The following AKAP9 variants were observed in gnomAD, a reference collection of about 807,000 sequenced individuals.
AKAP9 encodes the protein A-kinase anchoring protein 9.
Under a neutral mutation model 488.5 loss-of-function variants are expected in AKAP9, and 311 were observed. The ratio of observed to expected loss-of-function variants is 0.64; its 90% CI spans 0.58 to 0.70. AKAP9 has a LOEUF of 0.70. Ranked by LOEUF, AKAP9 falls within the 30% of genes least tolerant of loss-of-function variation. The probability of loss-of-function intolerance (pLI) is 0.00; values close to 1 mark genes in which losing one functional copy is unlikely to be tolerated. For missense variants in AKAP9, 4,215 were observed against 4,374.5 expected (o/e 0.96, Z 1.03); for synonymous variants, 1,462 against 1,483.5 (o/e 0.99, Z 0.33).
intron 1 of AKAP9, 88 bp from the exon 2 acceptor site, chr7:91,973,623 A>T: frequency 7.2e-7 from 1 of 1,387,242 alleles, no homozygotes; most frequent in Non-Finnish European, 9.9e-7. Flanking sequence ...TTTGATCTTT[A>T]AAAGAGAGAC....
At chr7:92,059,061 C>T (rs1809293825) in intron 22 of AKAP9, among the ~76,000 whole-genome samples, 1 of 151,868 alleles carries the variant, frequency 6.6e-6, no homozygotes, top group Non-Finnish European at 1.5e-5. Flanking sequence ...TTATTCAGCG[C>T]TTTTTATGAC....
At chr7:91,953,589 A>G (rs752876720) in intron 1 of AKAP9, among the ~76,000 whole-genome samples, 6 of 152,206 alleles carry the variant, frequency 3.9e-5, no homozygotes, top group Non-Finnish European at 8.8e-5. Context: ...CTGTCAGTCT[A>G]TAAGAAGTGT....
At chr7:92,034,741 C>T (rs1804914427) in intron 16 of AKAP9, among the ~76,000 whole-genome samples, 1 of 151,272 alleles carries the variant, frequency 6.6e-6, no homozygotes, top group African/African-American at 2.4e-5. Context: ...TCAAGTGATC[C>T]ACCCACCTCG....
At chr7:91,946,083 A>G (rs1326404010) in intron 1 of AKAP9, among the ~76,000 whole-genome samples, 1 of 152,204 alleles carries the variant, frequency 6.6e-6, no homozygotes, top group Non-Finnish European at 1.5e-5. Context: ...CCAATTGTGT[A>G]CAAAAAAAAG....
intron 22 of AKAP9, among the ~76,000 whole-genome samples, chr7:92,056,585 A>G (rs1240327939): frequency 6.6e-6 from 1 of 151,360 alleles, no homozygotes; most frequent in African/African-American, 2.4e-5. Context: ...AGGGTTGCAT[A>G]AGAAACCCTA....
At position 92,002,399 on chromosome 7, in the gene AKAP9, G is replaced by A; in HGVS notation, c.2482G>A (p.Glu828Lys). 6.2e-7 allele frequency: 1 copy of A among 1,610,372 alleles called. No homozygotes were observed. Among genetic ancestry groups the A allele is most frequent in the Non-Finnish European group, 8.5e-7 (1 of 1,178,756 alleles). The change falls in exon 8 of 50, where the codon GAA (glutamate) becomes AAA (lysine). Residue 828 changes from glutamate to lysine, a missense_variant. Around this residue, in one of 5 missense-constraint regions of AKAP9, gnomAD observed 2,361 missense variants for 2,430.0 expected, o/e 0.97. Coordinates refer to ENST00000356239, the MANE Select transcript of AKAP9 (RefSeq NM_005751.5). ...WEKEIEILIE[E>K]NEDLKQQCIQ... is the part of the protein sequence containing the mutation. ...AAAAGAAATAGAAATACTTATAGAG[G>A]AAAATGAGGACCTCAAACAACAATG...
In AKAP9 at chr7:92,062,360, G is replaced by A; in HGVS notation, c.5851G>A (p.Glu1951Lys). 6.2e-7 allele frequency: 1 copy of A among 1,613,918 alleles called. No homozygotes were observed. Among genetic ancestry groups the A allele is most frequent in the Non-Finnish European group, 8.5e-7 (1 of 1,179,856 alleles). ...TGATATAATAGATCGTCTTGAGCAG[G>A]AGTTGTTATGTGCAAGTAACAGGTT... is the stretch of plus-strand genomic sequence containing the variant. ...KTDIIDRLEQ[E>K]LLCASNRLQE... The change falls in exon 24 of 50, where the codon GAG becomes AAG. Residue 1951 changes from glutamate (E) to lysine (K), a missense_variant. Around this residue, in one of 5 missense-constraint regions of AKAP9, gnomAD observed 2,361 missense variants for 2,430.0 expected, o/e 0.97. Transcript: ENST00000356239.
chr7:91,958,998 C>G (rs983362048), intron 1 of AKAP9, among the ~76,000 whole-genome samples: 1 of 152,164 alleles, frequency 6.6e-6, no homozygotes, highest in African/African-American at 2.4e-5. Flanking sequence ...GACCCTCCCA[C>G]CTCAGCCTGC....
intron 36 of AKAP9, 72 bp from the exon 37 acceptor site, chr7:92,086,156 G>A: frequency 8.0e-7 from 1 of 1,248,902 alleles, no homozygotes; most frequent in Non-Finnish European, 1.2e-6. Flanking sequence ...TTTCTTTGTA[G>A]ATTAATATTT....
chr7:91,961,361 AGAGACGGGG>A (rs1027633258), intron 1 of AKAP9, among the ~76,000 whole-genome samples: 4 of 151,618 alleles, frequency 2.6e-5, no homozygotes, highest in African/African-American at 4.8e-5. Context: ...GTATTTTAGT[AGAGACGGGG>A]TTTCACCATG....
intron 25 of AKAP9, among the ~76,000 whole-genome samples, chr7:92,066,003 T>C (rs2130831919): frequency 6.6e-6 from 1 of 152,322 alleles, no homozygotes. Flanking sequence ...ACTCATTTTA[T>C]AACTTTAGAC....
chr7:92,110,208 G>A lies in AKAP9; in HGVS notation c.*49G>A, dbSNP rs765535213. ...AGTGATTTTAAATAGATTTCCTTTT[G>A]TAAATCAATGGTTCTTTTGTGCTTT... is the stretch of plus-strand genomic sequence containing the variant. On this transcript the variant is annotated 3_prime_UTR_variant, in exon 50 of 50. Transcript: ENST00000356239. 5.0e-6 allele frequency: 7 copies of A among 1,406,306 alleles called. No individual in the cohort carries two copies. In the Admixed American group the frequency reaches 1.3e-4, roughly 25 times the overall value. The allele number at this position is 1,406,306 out of a possible 1,614,324, so 87.1% of individuals were successfully genotyped here.
At chr7:92,081,972 T>C (rs1326839297) in intron 31 of AKAP9, among the ~76,000 whole-genome samples, 1 of 152,210 alleles carries the variant, frequency 6.6e-6, no homozygotes, top group Non-Finnish European at 1.5e-5. Context: ...AATATAACTT[T>C]CTTTTTTTCC....
At chr7:92,057,545 CT>C in intron 22 of AKAP9, 2 of 181,662 alleles carry the variant, frequency 1.1e-5, no homozygotes, top group Non-Finnish European at 1.2e-5. Context: ...CTGTTCTGAC[CT>C]TTTCCTCAGG....
At chr7:92,023,136 T>C in intron 14 of AKAP9, 127 bp downstream of exon 14, 1 of 950,316 alleles carries the variant, frequency 1.1e-6, no homozygotes, top group Non-Finnish European at 1.7e-6. Flanking sequence ...GATGTAGCAT[T>C]TTTTAGAAAG....
rs192351575 is a variant in AKAP9, at chr7:92,049,201, T to A, written c.5369-3525T>A. On this transcript the variant is annotated intron_variant, in intron 21 of 49. Transcript: ENST00000356239. ...ACATAAATCCAAGAGGTTCACCAAT[T>A]TGAAATGATTCTATTTACCAAACTG... Among the ~76,000 whole-genome samples the A allele has an allele frequency of 2.6e-3, 389 of 152,334 alleles. 2 individuals carry two copies. Among genetic ancestry groups the A allele is most frequent in the African/African-American group, 8.8e-3 (367 of 41,580 alleles).
intron 14 of AKAP9, among the ~76,000 whole-genome samples, chr7:92,028,155 G>A (rs887400455): frequency 9.2e-5 from 14 of 151,972 alleles, no homozygotes; most frequent in East Asian, 1.9e-4. Flanking sequence ...CAAACACTGC[G>A]GAAGGCCGCA....
intron 27 of AKAP9, 94 bp from the exon 28 acceptor site, chr7:92,070,806 CAAAAA>C: frequency 4.4e-4 from 199 of 457,252 alleles, no homozygotes; most frequent in Middle Eastern, 1.3e-3. Flanking sequence ...TGCTGCTTCT[CAAAAA>C]AAAAAAAAAA....
chr7:91,960,495 C>CAT (rs1793596251), intron 1 of AKAP9, among the ~76,000 whole-genome samples: 1 of 152,110 alleles, frequency 6.6e-6, no homozygotes, highest in African/African-American at 2.4e-5. Context: ...GCAGATAACC[C>CAT]ATATTCATCT....
Sources: gnomAD v4.1 joint callset for allele counts (sites outside exome capture counted in the v4.1 genomes callset) on GRCh38, gnomAD v4.1.1 for gene constraint, gnomAD v4.1.1 regional missense constraint, MANE v1.5 for transcripts, NCBI Gene and HGNC (gene_info 2026-07-23, HGNC 2026-07-21) for gene names.